The following ST3GAL6 variants were observed in gnomAD, a reference collection of about 807,000 sequenced individuals.
ST3GAL6 encodes ST3 beta-galactoside alpha-2,3-sialyltransferase 6, also known as type 2 lactosamine alpha-2,3-sialyltransferase.
Under a neutral mutation model 40.5 loss-of-function variants are expected in ST3GAL6, and 31 were observed. The observed-to-expected ratio is 0.77, with a 90% CI of 0.58 to 1.03. The LOEUF (loss-of-function observed/expected upper bound fraction) is 1.03. Among genes scored for constraint, ST3GAL6 ranks in the 50% least tolerant of loss-of-function variants. ST3GAL6 has a pLI of 0.00. For synonymous variants in ST3GAL6, 129 were observed against 136.9 expected, an observed-to-expected ratio of 0.94 and a Z score of 0.40; for missense variants, 357 against 393.2, an observed-to-expected ratio of 0.91 and a Z score of 0.78.
intron 1 of ST3GAL6, among the ~76,000 whole-genome samples, chr3:98,743,346 A>T (rs957423211): frequency 6.6e-6 from 1 of 151,798 alleles, no homozygotes; most frequent in Non-Finnish European, 1.5e-5. Context: ...ATTTAAATGA[A>T]TTACTTCAGC....
chr3:98,756,275 T>C, intron 1 of ST3GAL6: 1 of 1,045,698 alleles, frequency 9.6e-7, no homozygotes. Flanking sequence ...TTTACTAAAA[T>C]GGCGTTTTCC....
At chr3:98,749,222 A>C (rs947783131) in intron 1 of ST3GAL6, among the ~76,000 whole-genome samples, 1 of 152,156 alleles carries the variant, frequency 6.6e-6, no homozygotes, top group Non-Finnish European at 1.5e-5. Context: ...GGATCAATCC[A>C]CTGGTTTTAG....
chr3:98,784,475 C>T (rs528269794), intron 5 of ST3GAL6: 10 of 156,012 alleles, frequency 6.4e-5, no homozygotes, highest in South Asian at 3.8e-4. Context: ...GTAGAATCTT[C>T]GAGGAGTGGG....
chr3:98,777,952 GC>G (rs1473684899), intron 5 of ST3GAL6, among the ~76,000 whole-genome samples: 2 of 152,066 alleles, frequency 1.3e-5, no homozygotes, highest in Non-Finnish European at 2.9e-5. Flanking sequence ...GCACCAGTCT[GC>G]CCCCTAGTCC....
intron 5 of ST3GAL6, 50 bp downstream of exon 5, chr3:98,774,033 G>T: frequency 7.0e-7 from 1 of 1,420,358 alleles, no homozygotes; most frequent in Non-Finnish European, 9.9e-7. Context: ...CAGCTAAGCT[G>T]GTTCAAAATA....
At position 98,793,697 on chromosome 3, in the gene ST3GAL6, C is replaced by T; in HGVS notation, c.932C>T (p.Ala311Val). ...MNKNAYHNVT[A>V]EQLFLKDIIE... ...TAGAACGCGTATCACAATGTGACTG[C>T]AGAGCAGCTCTTTTTGAAGGACATT... Residue 311 changes from alanine to valine, a missense_variant, in exon 10 of 10, where the codon GCA (alanine) becomes GTA (valine). Transcript: ENST00000483910. 6.3e-7 allele frequency: 1 copy of T among 1,594,748 alleles called. No individual in the cohort carries two copies. The highest frequency in any genetic ancestry group is 8.5e-7 in the Non-Finnish European group (1 of 1,171,976).
chr3:98,779,479 A>G (rs1198100818), intron 5 of ST3GAL6, among the ~76,000 whole-genome samples: 2 of 152,234 alleles, frequency 1.3e-5, no homozygotes, highest in Non-Finnish European at 2.9e-5. Context: ...TTTAATGTAC[A>G]TGATGGTATT....
At chr3:98,786,065 A>G (rs1940673240) in intron 6 of ST3GAL6, among the ~76,000 whole-genome samples, 1 of 152,180 alleles carries the variant, frequency 6.6e-6, no homozygotes, top group Non-Finnish European at 1.5e-5. Context: ...GAGCAGGTTT[A>G]GAGGAAAACC....
intron 1 of ST3GAL6, among the ~76,000 whole-genome samples, chr3:98,743,575 G>C (rs1479010658): frequency 6.6e-6 from 1 of 152,068 alleles, no homozygotes; most frequent in African/African-American, 2.4e-5. Flanking sequence ...AAATATATCA[G>C]ACATACAGAG....
intron 6 of ST3GAL6, among the ~76,000 whole-genome samples, chr3:98,785,663 C>G (rs1451370710): frequency 3.9e-5 from 6 of 152,110 alleles, no homozygotes; most frequent in Non-Finnish European, 7.4e-5. Context: ...ACTTTGTAAG[C>G]TAGGATTAGA....
At chr3:98,757,710 A>T (rs1346351937) in intron 1 of ST3GAL6, among the ~76,000 whole-genome samples, 1 of 152,156 alleles carries the variant, frequency 6.6e-6, no homozygotes, top group Non-Finnish European at 1.5e-5. Flanking sequence ...TGGTGTCTTT[A>T]TCTGTATGAT....
At chr3:98,732,742 G>A (rs556156720) in intron 1 of ST3GAL6, 1 of 1,020,988 alleles carries the variant, frequency 9.8e-7, no homozygotes, top group East Asian at 3.2e-5. Context: ...CTGAGACTCC[G>A]GGCAGGGCTG....
At chr3:98,736,406 A>G (rs903195980) in intron 1 of ST3GAL6, among the ~76,000 whole-genome samples, 4 of 152,186 alleles carry the variant, frequency 2.6e-5, no homozygotes, top group Non-Finnish European at 5.9e-5. Context: ...GAATGGAAAG[A>G]TCTTTAGGAC....
At chr3:98,748,513 T>C (rs1385938598) in intron 1 of ST3GAL6, among the ~76,000 whole-genome samples, 1 of 152,234 alleles carries the variant, frequency 6.6e-6, no homozygotes. Context: ...TCTCCCACGC[T>C]GGAGTGCAGT....
chr3:98,784,778 T>C (rs1940524563), intron 5 of ST3GAL6, among the ~76,000 whole-genome samples, 167 bp from the exon 6 acceptor site: 1 of 152,224 alleles, frequency 6.6e-6, no homozygotes, highest in Admixed American at 6.5e-5. Flanking sequence ...ACTCATTGAA[T>C]CTTGTATCTT....
At chr3:98,733,014 G>C (rs1935171759) in intron 1 of ST3GAL6, 1 of 1,448,998 alleles carries the variant, frequency 6.9e-7, no homozygotes. Flanking sequence ...CTGCCCGGGT[G>C]AGGGAAATTG....
At chr3:98,741,457 C>T (rs75328378) in intron 1 of ST3GAL6, among the ~76,000 whole-genome samples, 1,774 of 152,034 alleles carry the variant, frequency 0.012, 16 homozygotes, top group South Asian at 0.022. Context: ...GGAGAACATT[C>T]CGGGCAGCAG....
At chr3:98,779,937 A>T (rs991987378) in intron 5 of ST3GAL6, among the ~76,000 whole-genome samples, 1 of 152,208 alleles carries the variant, frequency 6.6e-6, no homozygotes, top group Non-Finnish European at 1.5e-5. Context: ...GGATACAGAG[A>T]TATAAATGAT....
At chr3:98,745,174 C>G (rs917149258) in intron 1 of ST3GAL6, among the ~76,000 whole-genome samples, 1 of 152,132 alleles carries the variant, frequency 6.6e-6, no homozygotes, top group African/African-American at 2.4e-5. Context: ...GCTGGGATTA[C>G]AGGCACTTGC....
Sources: allele counts gnomAD v4.1 joint callset (sites outside exome capture counted in the v4.1 genomes callset), GRCh38; gene constraint gnomAD v4.1.1; transcripts MANE v1.5; gene names NCBI Gene and HGNC (gene_info 2026-07-23, HGNC 2026-07-21).